ANKS1B: variants seen among roughly 807,000 people sequenced by gnomAD.
ANKS1B encodes the protein ankyrin repeat and sterile alpha motif domain-containing protein 1B.
A neutral mutation model predicts 148.3 loss-of-function variants in ANKS1B; 36 were observed. The observed-to-expected ratio is 0.24, with a 90% CI of 0.19 to 0.32. ANKS1B has a LOEUF of 0.32. ANKS1B is among the 10% of genes least tolerant of loss of function. The pLI is 1.00. For synonymous variants in ANKS1B, 542 were observed against 560.8 expected (o/e 0.97, Z 0.47); for missense variants, 1,157 against 1,542.6 (o/e 0.75, Z 4.19).
intron 4 of ANKS1B, among the ~76,000 whole-genome samples, chr12:99,800,153 A>G (rs1179083866): frequency 6.6e-6 from 1 of 152,114 alleles, no homozygotes; most frequent in Non-Finnish European, 1.5e-5. Flanking sequence ...AAATTGGGTC[A>G]TAAGGGTGTG....
chr12:99,509,500 C>T (rs2096743273), intron 9 of ANKS1B, among the ~76,000 whole-genome samples: 1 of 151,862 alleles, frequency 6.6e-6, no homozygotes, highest in African/African-American at 2.4e-5. Flanking sequence ...AAGATCACAC[C>T]AGCCACAACA....
At chr12:99,131,071 C>T (rs1402628640) in intron 15 of ANKS1B, among the ~76,000 whole-genome samples, 1 of 152,138 alleles carries the variant, frequency 6.6e-6, no homozygotes, top group East Asian at 1.9e-4. Flanking sequence ...TGTTAGTGAA[C>T]CTCTCTCTTC....
intron 17 of ANKS1B, among the ~76,000 whole-genome samples, chr12:98,920,890 C>A (rs924358682): frequency 2.0e-5 from 3 of 152,108 alleles, no homozygotes; most frequent in African/African-American, 7.2e-5. Flanking sequence ...TTAAATTCCA[C>A]AAGAGTTAGA....
intron 9 of ANKS1B, among the ~76,000 whole-genome samples, chr12:99,530,519 C>G (rs2096977324): frequency 6.6e-6 from 1 of 152,170 alleles, no homozygotes; most frequent in African/African-American, 2.4e-5. Flanking sequence ...GGGAAAGAAT[C>G]TCACTTTCCT....
intron 17 of ANKS1B, among the ~76,000 whole-genome samples, chr12:98,851,426 G>A (rs893292004): frequency 2.0e-5 from 3 of 152,176 alleles, no homozygotes; most frequent in African/African-American, 7.2e-5. Flanking sequence ...ATTCTACACA[G>A]AGGAGACACC....
chr12:99,583,307 A>C (rs930401183), intron 9 of ANKS1B, among the ~76,000 whole-genome samples: 3 of 152,106 alleles, frequency 2.0e-5, no homozygotes, highest in African/African-American at 7.2e-5. Context: ...AGAAACATGA[A>C]TATAAATGGA....
At chr12:99,294,119 G>A (rs968988666) in intron 12 of ANKS1B, among the ~76,000 whole-genome samples, 10 of 152,150 alleles carry the variant, frequency 6.6e-5, no homozygotes, top group Non-Finnish European at 1.5e-4. Flanking sequence ...AAATATGTAG[G>A]TTACTAAAAA....
At chr12:99,979,326 T>A (rs2095665491) in intron 1 of ANKS1B, among the ~76,000 whole-genome samples, 1 of 152,156 alleles carries the variant, frequency 6.6e-6, no homozygotes, top group Admixed American at 6.5e-5. Flanking sequence ...AAAAGAGGTG[T>A]AACAGTTCAC....
intron 16 of ANKS1B, among the ~76,000 whole-genome samples, chr12:99,081,754 G>A (rs973420238): frequency 4.6e-5 from 7 of 151,950 alleles, no homozygotes; most frequent in African/African-American, 7.2e-5. Flanking sequence ...ATAATTCTAC[G>A]TTCAGTTTCT....
At position 98,745,374 on chromosome 12, in the gene ANKS1B, A is replaced by ATTTTTTTTTTTT. The variant is rs2097857067; in HGVS notation, c.*364_*365insAAAAAAAAAAAA. ...TTAGGCAGTATTAGAGATCCCCTTTACTTTTTTTTTTTTTTTTTTTTTTTT... is the reference window on the plus strand; with the variant it reads ...TTAGGCAGTATTAGAGATCCCCTTTATTTTTTTTTTTTCTTTTTTTTTTTTTTTTTTTTTTTT... On this transcript the variant is annotated 3_prime_UTR_variant, in exon 27 of 27. Transcript: ENST00000683438. 1 of 747,972 alleles carries ATTTTTTTTTTTT rather than the reference A, an allele frequency of 1.3e-6. No homozygotes were observed. Among genetic ancestry groups the ATTTTTTTTTTTT allele is most frequent in the Non-Finnish European group, 1.5e-6 (1 of 651,920 alleles). 46.3% of individuals were successfully genotyped at this position (747,972 alleles called of 1,614,324 possible).
In ANKS1B at chr12:99,728,476, T is replaced by C. The variant is rs374287282; in HGVS notation, c.1128+44446A>G. 3.3e-5 allele frequency among the ~76,000 whole-genome samples: 5 copies of C among 151,964 alleles called. No individual in the cohort carries two copies. The East Asian group carries it at 7.7e-4, about 24-fold the overall frequency. On this transcript the variant is annotated intron_variant, in intron 8 of 26. Transcript: ENST00000683438. ...TAATTATTAAAAAGTCAAGAAACAA[T>C]AGATGCTTGGGAGGCTGTGGAGAAA...
At chr12:98,799,837 C>G (rs1594087461) in intron 21 of ANKS1B, among the ~76,000 whole-genome samples, 2 of 151,968 alleles carry the variant, frequency 1.3e-5, no homozygotes, top group Non-Finnish European at 2.9e-5. Context: ...TTTTGTCATT[C>G]CCCTGCCCCT....
chr12:99,148,629 T>C (rs2073969242), intron 15 of ANKS1B, among the ~76,000 whole-genome samples: 1 of 152,154 alleles, frequency 6.6e-6, no homozygotes, highest in Admixed American at 6.6e-5. Flanking sequence ...TCTTCTAGAC[T>C]ACTCATTAGA....
In ANKS1B at chr12:98,830,954, T is replaced by TTTTTTTTTTTTG. The variant is rs2099308784; in HGVS notation, c.2886+1063_2886+1074dup. 1.5e-5 allele frequency: 2 copies of TTTTTTTTTTTTG among 133,352 alleles called. 1 individual carries two copies. Among genetic ancestry groups the TTTTTTTTTTTTG allele is most frequent in the Non-Finnish European group, 3.2e-5 (2 of 62,668 alleles). 8.3% of individuals were successfully genotyped at this position (133,352 alleles called of 1,614,324 possible). A position where few individuals can be genotyped will look rare whatever the true frequency, so the allele number is the denominator to read the frequency against. ...CCTACCTCATAATTTTTTTTTTTTT[T>TTTTTTTTTTTTG]TTTTTTTTTTTGAGATGGAGTTTCA... is the stretch of plus-strand genomic sequence containing the variant. On this transcript the variant is annotated intron_variant, in intron 18 of 26. Coordinates refer to ENST00000683438, the MANE Select transcript of ANKS1B (RefSeq NM_001352186.2).
At chr12:99,933,033 A>C (rs551070319) in intron 1 of ANKS1B, among the ~76,000 whole-genome samples, 6 of 152,012 alleles carry the variant, frequency 3.9e-5, no homozygotes, top group Non-Finnish European at 5.9e-5. Flanking sequence ...TTTTTCCCCA[A>C]TGTACGTTCT....
intron 17 of ANKS1B, among the ~76,000 whole-genome samples, chr12:98,969,910 T>A (rs1011612210): frequency 6.6e-6 from 1 of 152,238 alleles, no homozygotes; most frequent in African/African-American, 2.4e-5. Context: ...GATGAGATTT[T>A]GGGAAAGAAC....
chr12:99,399,758 G>A lies in ANKS1B; in HGVS notation c.1629C>T (p.His543=). The part of the protein sequence containing the change: ...VSSLDFHRMN[H]NQEYFEINTS... ...TGTTGATTTCAAAATATTCTTGGTT[G>A]TGATTCATTCGGTGAAAATCCAGAG... is the stretch of plus-strand genomic sequence containing the variant. Residue 543 remains histidine (H), a synonymous_variant, in exon 12 of 27, where the codon CAC becomes CAT. Transcript: ENST00000683438. 6.2e-7 allele frequency: 1 copy of A among 1,613,454 alleles called. No individual in the cohort carries two copies. Among genetic ancestry groups the A allele is most frequent in the South Asian group, 1.1e-5 (1 of 91,074 alleles).
intron 17 of ANKS1B, among the ~76,000 whole-genome samples, chr12:98,865,721 G>A (rs1476770894): frequency 5.9e-5 from 9 of 152,114 alleles, no homozygotes; most frequent in African/African-American, 2.2e-4. Flanking sequence ...TGGCACTGGA[G>A]CCAAGACTTG....
At chr12:99,491,424 A>G (rs1014139955) in intron 10 of ANKS1B, among the ~76,000 whole-genome samples, 1 of 152,088 alleles carries the variant, frequency 6.6e-6, no homozygotes, top group Admixed American at 6.6e-5. Context: ...CTACATTTTC[A>G]GATTTGTTAT....
Sources: allele counts gnomAD v4.1 joint callset (sites outside exome capture counted in the v4.1 genomes callset), GRCh38; gene constraint gnomAD v4.1.1; transcripts MANE v1.5; gene names NCBI Gene and HGNC (gene_info 2026-07-23, HGNC 2026-07-21).